The following MYO1H variants were observed in gnomAD, a reference collection of about 807,000 sequenced individuals.
MYO1H encodes the protein unconventional myosin-Ih.
A neutral mutation model predicts 149.3 loss-of-function variants in MYO1H; 118 were observed. The ratio of observed to expected loss-of-function variants is 0.79; its 90% CI spans 0.68 to 0.92. The LOEUF (loss-of-function observed/expected upper bound fraction) is 0.92. MYO1H is among the 40% of genes least tolerant of loss of function. The pLI is 0.00. For synonymous variants in MYO1H, 447 were observed against 465.2 expected (o/e 0.96, Z 0.50); for missense variants, 1,212 against 1,280.7 (o/e 0.95, Z 0.82).
chr12:109,337,199 T>A, the MYO1H span, among the ~76,000 whole-genome samples: 1 of 152,218 alleles, frequency 6.6e-6, no homozygotes, highest in Admixed American at 6.5e-5. Flanking sequence ...TCCTGTGATT[T>A]CCAGAGAGGT....
At chr12:109,311,845 A>G in the MYO1H span, among the ~76,000 whole-genome samples, 2 of 152,228 alleles carry the variant, frequency 1.3e-5, no homozygotes, top group Non-Finnish European at 2.9e-5. Context: ...CTCCGATTAT[A>G]CAAGAAATCT....
At chr12:109,414,132 A>G (rs1428229299) in intron 14 of MYO1H, among the ~76,000 whole-genome samples, 2 of 152,142 alleles carry the variant, frequency 1.3e-5, no homozygotes, top group East Asian at 3.9e-4. Context: ...CTTAGAATAT[A>G]TGTGTGCTGT....
intron 4 of MYO1H, among the ~76,000 whole-genome samples, chr12:109,396,819 T>TG (rs1555251228): frequency 1.7e-5 from 2 of 118,284 alleles, no homozygotes; most frequent in African/African-American, 3.2e-5. Context: ...GTTTCGTTTT[T>TG]TTTTTTTTTT....
intron 31 of MYO1H, among the ~76,000 whole-genome samples, chr12:109,446,905 AC>A (rs1275791397): frequency 6.6e-6 from 1 of 152,154 alleles, no homozygotes; most frequent in East Asian, 1.9e-4. Flanking sequence ...TAAAAGTGAC[AC>A]CCCAGAGACT....
the MYO1H span, among the ~76,000 whole-genome samples, chr12:109,318,042 T>C: frequency 6.6e-6 from 1 of 152,182 alleles, no homozygotes; most frequent in African/African-American, 2.4e-5. Flanking sequence ...TTCTGTCAGG[T>C]TTAAAACGTA....
At chr12:109,445,611 T>G (rs772484995) in exon 31 of MYO1H, 3 of 1,609,388 alleles carry the variant, frequency 1.9e-6, no homozygotes, top group Non-Finnish European at 2.5e-6. Flanking sequence ...CAATTAACAG[T>G]GGTGAGTGGC....
intron 2 of MYO1H, among the ~76,000 whole-genome samples, chr12:109,389,253 C>G (rs1432976046): frequency 6.6e-6 from 1 of 152,164 alleles, no homozygotes; most frequent in Admixed American, 6.5e-5. Flanking sequence ...GAGAAGCGAG[C>G]CAATACTCTG....
chr12:109,311,759 A>G, the MYO1H span, among the ~76,000 whole-genome samples: 2 of 152,118 alleles, frequency 1.3e-5, no homozygotes, highest in African/African-American at 4.8e-5. Context: ...CCCAGGCCTT[A>G]TATTGGTCCT....
chr12:109,406,695 TG>T, intron 8 of MYO1H, 93 bp from the exon 9 acceptor site: 2 of 1,186,932 alleles, frequency 1.7e-6, no homozygotes, highest in Non-Finnish European at 1.2e-6. Flanking sequence ...CATTCCCACC[TG>T]GGTAACAGAG....
chr12:109,320,032 G>A, the MYO1H span, among the ~76,000 whole-genome samples: 6 of 151,530 alleles, frequency 4.0e-5, no homozygotes, highest in Non-Finnish European at 8.8e-5. Context: ...AAAATTTATT[G>A]GCCAGGCATA....
chr12:109,332,993 T>C, the MYO1H span, among the ~76,000 whole-genome samples: 3 of 152,162 alleles, frequency 2.0e-5, no homozygotes, highest in Non-Finnish European at 2.9e-5. Context: ...CGCAATTCTA[T>C]GAAGGTTTTC....
At chr12:109,310,725 C>T in the MYO1H span, among the ~76,000 whole-genome samples, 1 of 152,124 alleles carries the variant, frequency 6.6e-6, no homozygotes, top group Non-Finnish European at 1.5e-5. Context: ...TGGCACTGGT[C>T]CATGTCCTCA....
At chr12:109,436,138 G>A (rs980936715) in intron 21 of MYO1H, among the ~76,000 whole-genome samples, 9 of 152,154 alleles carry the variant, frequency 5.9e-5, no homozygotes, top group South Asian at 2.1e-4. Context: ...CTGAGCCTGC[G>A]TGCCCATTTA....
chr12:109,415,664 GCCTGGTGT>G (rs1197577398), intron 15 of MYO1H, 44 bp downstream of exon 15: 3 of 1,406,912 alleles, frequency 2.1e-6, no homozygotes, highest in Non-Finnish European at 2.9e-6. Context: ...TATGTGCCCA[GCCTGGTGT>G]CTTACAATAA....
chr12:109,445,185 A>C (rs1446747002), intron 30 of MYO1H, among the ~76,000 whole-genome samples: 2 of 152,164 alleles, frequency 1.3e-5, no homozygotes, highest in Non-Finnish European at 2.9e-5. Flanking sequence ...GTGCTTTGAA[A>C]TGTGTTGTCT....
chr12:109,336,304 T>C, the MYO1H span, among the ~76,000 whole-genome samples: 1 of 152,192 alleles, frequency 6.6e-6, no homozygotes, highest in Non-Finnish European at 1.5e-5. Flanking sequence ...CCTTGACAAC[T>C]TCATTGCCTT....
At chr12:109,417,908 C>G (rs1043813962) in intron 15 of MYO1H, among the ~76,000 whole-genome samples, 1 of 151,356 alleles carries the variant, frequency 6.6e-6, no homozygotes, top group Non-Finnish European at 1.5e-5. Context: ...CTCCGCCTCC[C>G]GGATTCATGC....
intron 6 of MYO1H, among the ~76,000 whole-genome samples, chr12:109,402,824 T>TA (rs1870221951): frequency 6.6e-6 from 1 of 152,208 alleles, no homozygotes; most frequent in Non-Finnish European, 1.5e-5. Flanking sequence ...GGTCAATTTG[T>TA]AAAAATATTT....
exon 28 of MYO1H, chr12:109,443,637 T>C (rs1000510914): frequency 6.2e-7 from 1 of 1,613,726 alleles, no homozygotes; most frequent in Non-Finnish European, 8.5e-7. Flanking sequence ...AATAGAGTAC[T>C]CAGCTCTCAA....
Sources: gnomAD v4.1 joint callset for allele counts (sites outside exome capture counted in the v4.1 genomes callset) on GRCh38, gnomAD v4.1.1 for gene constraint, MANE v1.5 for transcripts, NCBI Gene and HGNC (gene_info 2026-07-23, HGNC 2026-07-21) for gene names.